Variants in EBF1 observed in about 807,000 individuals in gnomAD.
EBF1 encodes the protein EBF transcription factor 1, also known as transcription factor COE1.
Under a neutral mutation model 68.4 loss-of-function variants are expected in EBF1, and 10 were observed. The observed-to-expected ratio is 0.15, with a 90% CI of 0.09 to 0.25. The LOEUF (loss-of-function observed/expected upper bound fraction) is 0.25, where lower values mean the gene tolerates loss of function less well. EBF1 is among the 10% of genes least tolerant of loss of function. The pLI is 1.00. For synonymous variants in EBF1, 298 were observed against 299.8 expected, an observed-to-expected ratio of 0.99 and a Z score of 0.06; for missense variants, 509 against 794.4, an observed-to-expected ratio of 0.64 and a Z score of 4.32.
chr5:159,056,471 T>C (rs957808804), intron 6 of EBF1, among the ~76,000 whole-genome samples: 2 of 152,202 alleles, frequency 1.3e-5, no homozygotes, highest in Non-Finnish European at 2.9e-5. Context: ...TCTGGAATCA[T>C]TCTCCTGCAG....
intron 6 of EBF1, among the ~76,000 whole-genome samples, chr5:158,932,439 CAATAA>C (rs749373333): frequency 8.6e-5 from 13 of 151,838 alleles, no homozygotes; most frequent in Non-Finnish European, 1.5e-4. Context: ...TTTATGTAAG[CAATAA>C]AATAAAAGAG....
chr5:158,895,569 GA>G (rs1199607159), intron 6 of EBF1, among the ~76,000 whole-genome samples: 1 of 152,148 alleles, frequency 6.6e-6, no homozygotes, highest in Non-Finnish European at 1.5e-5. Context: ...CAGAAAGAAG[GA>G]AAGTCATCTG....
intron 11 of EBF1, among the ~76,000 whole-genome samples, chr5:158,728,292 C>T (rs999783398): frequency 6.6e-6 from 1 of 152,140 alleles, no homozygotes; most frequent in Non-Finnish European, 1.5e-5. Context: ...AGATGCAAGC[C>T]GTGGAGTGTT....
chr5:158,720,426 T>C (rs1459005550), intron 11 of EBF1, among the ~76,000 whole-genome samples: 2 of 152,162 alleles, frequency 1.3e-5, no homozygotes, highest in Admixed American at 6.6e-5. Context: ...CCAGCTTCCT[T>C]TGTGTTTATT....
intron 4 of EBF1, 95 bp downstream of exon 4, chr5:159,095,525 G>A: frequency 6.9e-7 from 1 of 1,450,360 alleles, no homozygotes; most frequent in Non-Finnish European, 9.5e-7. Flanking sequence ...TTTAGAGTTA[G>A]AGTCCCAGCC....
chr5:158,766,982 C>T (rs1362278105), intron 10 of EBF1, among the ~76,000 whole-genome samples: 2 of 152,144 alleles, frequency 1.3e-5, no homozygotes, highest in Non-Finnish European at 2.9e-5. Flanking sequence ...TCTTGCATTA[C>T]ATTGGCAAGA....
intron 10 of EBF1, among the ~76,000 whole-genome samples, chr5:158,742,881 G>T (rs953646530): frequency 6.6e-6 from 1 of 152,170 alleles, no homozygotes; most frequent in African/African-American, 2.4e-5. Flanking sequence ...ATTAAGACAG[G>T]ATTCATTTCC....
intron 6 of EBF1, among the ~76,000 whole-genome samples, chr5:158,851,682 G>A (rs1399742069): frequency 1.8e-5 from 2 of 112,804 alleles, no homozygotes; most frequent in East Asian, 5.1e-4. Flanking sequence ...AGGGAAGTAG[G>A]GAGGAGAAGT....
At chr5:158,925,479 A>G (rs6556372) in intron 6 of EBF1, among the ~76,000 whole-genome samples, 152,040 of 152,358 alleles carry the variant, frequency 1, 75,861 homozygotes, top group East Asian at 1. Flanking sequence ...CAATGGATGC[A>G]TGGAGAAGTG....
chr5:159,083,304 T>A (rs1780049733), intron 5 of EBF1, among the ~76,000 whole-genome samples: 2 of 152,222 alleles, frequency 1.3e-5, no homozygotes, highest in South Asian at 4.1e-4. Flanking sequence ...AAGGTGCAAC[T>A]CAGCTTTATT....
rs149846854 is a variant in EBF1, at chr5:158,783,017, G to A, written c.910-5478C>T. ...CTGTAACTCCAGTGAGAAATGATAA[G>A]ATGAAATGAAAAAAAAAAGGTTTAA... is the stretch of plus-strand genomic sequence containing the variant. On this transcript the variant is annotated intron_variant, in intron 9 of 15. Coordinates refer to ENST00000313708, the MANE Select transcript of EBF1 (RefSeq NM_024007.5). Among the ~76,000 whole-genome samples the A allele has an allele frequency of 7.6e-3, 1,125 of 147,840 alleles. 18 individuals carry two copies. Among genetic ancestry groups the A allele is most frequent in the African/African-American group, 0.028 (1,069 of 38,660 alleles).
At chr5:158,930,272 G>T (rs75495140) in intron 6 of EBF1, among the ~76,000 whole-genome samples, 7,464 of 41,784 alleles carry the variant, frequency 0.18, 536 homozygotes, top group African/African-American at 0.29. Flanking sequence ...TTTTTTTTTT[G>T]TTTGTTTTTT....
rs754725463 is a variant in EBF1 at position 158,840,110 on chromosome 5, C to T, written c.555G>A (p.Arg185=). 6 of 1,612,836 alleles carry T rather than the reference C, an allele frequency of 3.7e-6. No homozygotes were observed. The highest frequency in any genetic ancestry group is 5.1e-6 in the Non-Finnish European group (6 of 1,178,994). ...ATTTGAGGAAAAATTTCAAGAAGAA[C>T]CTGTGAAGAAACAAATCATCATGGT... The part of the protein sequence containing the change: ...ETPSDPVIID[R]FFLKFFLKCN... The change falls in exon 7 of 16, where the codon AGG becomes AGA. Residue 185 remains arginine (R), a splice_region_variant and synonymous_variant. Coordinates refer to ENST00000313708, the MANE Select transcript of EBF1 (RefSeq NM_024007.5).
At chr5:158,792,825 G>A (rs980502619) in intron 9 of EBF1, among the ~76,000 whole-genome samples, 3 of 152,028 alleles carry the variant, frequency 2.0e-5, no homozygotes, top group Non-Finnish European at 4.4e-5. Flanking sequence ...CAGTGGTGCC[G>A]ATCACAAACA....
At chr5:159,021,440 T>A (rs892960365) in intron 6 of EBF1, among the ~76,000 whole-genome samples, 5 of 152,184 alleles carry the variant, frequency 3.3e-5, no homozygotes, top group African/African-American at 1.2e-4. Flanking sequence ...TCTGCCAAGT[T>A]CCAAACAGAA....
At chr5:158,870,138 C>T (rs61731504) in intron 6 of EBF1, among the ~76,000 whole-genome samples, 408 of 152,236 alleles carry the variant, frequency 2.7e-3, no homozygotes, top group African/African-American at 9.2e-3. Context: ...TGCATGCCCT[C>T]CACTTCAACC....
At chr5:159,056,540 C>A (rs1222606763) in intron 6 of EBF1, among the ~76,000 whole-genome samples, 1 of 152,236 alleles carries the variant, frequency 6.6e-6, no homozygotes, top group Non-Finnish European at 1.5e-5. Flanking sequence ...CCCATGACTT[C>A]TGCCCTTCCT....
intron 6 of EBF1, among the ~76,000 whole-genome samples, chr5:159,018,354 A>T (rs1458922431): frequency 6.6e-6 from 1 of 152,168 alleles, no homozygotes; most frequent in Non-Finnish European, 1.5e-5. Context: ...AAGTCTAAAA[A>T]ATCTTTGCAA....
At chr5:158,942,036 A>C (rs1813541646) in intron 6 of EBF1, among the ~76,000 whole-genome samples, 1 of 152,238 alleles carries the variant, frequency 6.6e-6, no homozygotes, top group South Asian at 2.1e-4. Context: ...TAAATATGCA[A>C]TATTCTTTTC....
Sources: allele counts gnomAD v4.1 joint callset (sites outside exome capture counted in the v4.1 genomes callset), GRCh38; gene constraint gnomAD v4.1.1; transcripts MANE v1.5; gene names NCBI Gene and HGNC (gene_info 2026-07-23, HGNC 2026-07-21).